Variants in SMYD4 observed in about 807,000 individuals in gnomAD.
The protein encoded by SMYD4 is SET and MYND domain containing 4.
Under a neutral mutation model 72.8 loss-of-function variants are expected in SMYD4, and 68 were observed. The ratio of observed to expected loss-of-function variants is 0.93; its 90% CI spans 0.77 to 1.14. The LOEUF is 1.14. Among genes scored for constraint, SMYD4 ranks in the 50% most tolerant of loss-of-function variants. The pLI is 0.00. For synonymous variants in SMYD4, 407 were observed against 388.6 expected, an observed-to-expected ratio of 1.05 and a Z score of -0.56; for missense variants, 984 against 1,003.7, an observed-to-expected ratio of 0.98 and a Z score of 0.27.
At chr17:1,810,103 T>C (rs971873968) in intron 3 of SMYD4, among the ~76,000 whole-genome samples, 2 of 151,872 alleles carry the variant, frequency 1.3e-5, no homozygotes, top group African/African-American at 4.8e-5. Flanking sequence ...CCAAGAATAA[T>C]AGATTACTAA....
intron 3 of SMYD4, among the ~76,000 whole-genome samples, chr17:1,805,992 C>T (rs950878569): frequency 1.3e-5 from 2 of 148,638 alleles, no homozygotes; most frequent in African/African-American, 2.5e-5. Flanking sequence ...GGCTCGATCT[C>T]GGCTCACTGC....
chr17:1,812,131 A>T lies in SMYD4; in HGVS notation c.135-16T>A. ...ATCCTCAGGTCTGCATGAAGAAAGG[A>T]GGAAACAAAGTAAGCAGAAATGTGT... On this transcript the variant is annotated splice_polypyrimidine_tract_variant and intron_variant, in intron 2 of 10. Transcript: ENST00000305513. 2.5e-6 allele frequency: 4 copies of T among 1,608,960 alleles called. No homozygotes were observed. Among genetic ancestry groups the T allele is most frequent in the Non-Finnish European group, 3.4e-6 (4 of 1,178,654 alleles).
chr17:1,787,707 G>T, intron 5 of SMYD4, 103 bp from the exon 6 acceptor site: 2 of 1,189,890 alleles, frequency 1.7e-6, no homozygotes, highest in Non-Finnish European at 2.3e-6. Context: ...CCTGCAGCCC[G>T]TGTGAGTCAT....
chr17:1,817,048 CTT>C (rs34482955), intron 2 of SMYD4, among the ~76,000 whole-genome samples: 526 of 138,314 alleles, frequency 3.8e-3, no homozygotes, highest in African/African-American at 4.8e-3. Context: ...TGCACAAAAC[CTT>C]TTTTTTTTTT....
At chr17:1,794,065 A>ATG (rs1202001473) in intron 5 of SMYD4, among the ~76,000 whole-genome samples, 1 of 58,332 alleles carries the variant, frequency 1.7e-5, no homozygotes, top group African/African-American at 6.1e-5. Flanking sequence ...GTGTATATAT[A>ATG]TGTGTATATA....
At position 1,781,191 on chromosome 17, in the gene SMYD4, G is replaced by T; in HGVS notation, c.*95C>A. ...CCACCTTAGCCTCCCAAAGTGCTGG[G>T]ATTACAGGCGTGAGCCACCATACCT... On this transcript the variant is annotated 3_prime_UTR_variant, in exon 11 of 11. Coordinates refer to ENST00000305513, the MANE Select transcript of SMYD4 (RefSeq NM_052928.3). 6.7e-7 allele frequency: 1 copy of T among 1,489,072 alleles called. No homozygotes were observed. The highest frequency in any genetic ancestry group is 1.3e-5 in the South Asian group (1 of 74,714). 92.2% of individuals were successfully genotyped at this position (1,489,072 alleles called of 1,614,324 possible).
At chr17:1,827,786 C>T in intron 2 of SMYD4, 75 bp downstream of exon 2, 1 of 1,525,716 alleles carries the variant, frequency 6.6e-7, no homozygotes, top group East Asian at 2.3e-5. Flanking sequence ...GAAAAAGACA[C>T]ATTACTTCAG....
At chr17:1,823,957 C>G (rs948806802) in intron 2 of SMYD4, among the ~76,000 whole-genome samples, 2 of 152,168 alleles carry the variant, frequency 1.3e-5, no homozygotes, top group African/African-American at 4.8e-5. Context: ...GAAAATAGAT[C>G]TCCCTTCAGA....
intron 4 of SMYD4, 154 bp downstream of exon 4, chr17:1,804,472 C>A: frequency 1.6e-6 from 1 of 644,110 alleles, no homozygotes; most frequent in South Asian, 1.9e-5. Context: ...GCGCCCAGTC[C>A]GACTTTAGGT....
intron 5 of SMYD4, among the ~76,000 whole-genome samples, chr17:1,794,621 T>G (rs770905636): frequency 2.6e-5 from 4 of 152,102 alleles, no homozygotes; most frequent in Non-Finnish European, 5.9e-5. Flanking sequence ...GTTAATGATT[T>G]GAAAAAGACT....
chr17:1,808,004 A>C (rs1910131516), intron 3 of SMYD4, among the ~76,000 whole-genome samples: 1 of 152,156 alleles, frequency 6.6e-6, no homozygotes, highest in South Asian at 2.1e-4. Context: ...ACTGCTTGGG[A>C]TATGGAGAAA....
chr17:1,795,747 G>GTTTTTTTTTTTTTTTTTTTTT (rs368038317), intron 5 of SMYD4, among the ~76,000 whole-genome samples: 1 of 128,466 alleles, frequency 7.8e-6, no homozygotes, highest in African/African-American at 3.2e-5. Context: ...TGGCCCGTGA[G>GTTTTTTTTTTTTTTTTTTTTT]TTTTTTTTTT....
At chr17:1,784,663 C>T in intron 7 of SMYD4, 1 of 679,534 alleles carries the variant, frequency 1.5e-6, no homozygotes, top group African/African-American at 1.9e-5. Context: ...TCAGCAGTAG[C>T]TGATCCCACC....
intron 2 of SMYD4, among the ~76,000 whole-genome samples, chr17:1,826,695 G>A (rs771436097): frequency 3.3e-5 from 5 of 152,068 alleles, no homozygotes; most frequent in Non-Finnish European, 7.4e-5. Context: ...AAAGGTGTGT[G>A]TTTCTGGATC....
intron 2 of SMYD4, among the ~76,000 whole-genome samples, chr17:1,821,591 C>G (rs1331246837): frequency 6.6e-6 from 1 of 152,002 alleles, no homozygotes; most frequent in Non-Finnish European, 1.5e-5. Context: ...TAAAATTATA[C>G]AAACTCAAGA....
chr17:1,811,271 C>T (rs941709446), intron 3 of SMYD4, among the ~76,000 whole-genome samples: 5 of 152,304 alleles, frequency 3.3e-5, no homozygotes, highest in African/African-American at 9.6e-5. Flanking sequence ...CTCCATCGCA[C>T]GCCCTGCGAG....
intron 1 of SMYD4, among the ~76,000 whole-genome samples, chr17:1,828,647 G>T (rs1911337427): frequency 6.7e-6 from 1 of 149,584 alleles, no homozygotes; most frequent in South Asian, 2.1e-4. Context: ...ACCCAGGCTG[G>T]AGTGCAGTGG....
chr17:1,782,159 C>T (rs1030827318), intron 10 of SMYD4: 1 of 152,116 alleles, frequency 6.6e-6, no homozygotes, highest in African/African-American at 2.4e-5. Context: ...TCCTTTTAAC[C>T]TTCAAAGTAG....
chr17:1,783,529 A>G, intron 8 of SMYD4, 53 bp from the exon 9 acceptor site: 1 of 1,552,692 alleles, frequency 6.4e-7, no homozygotes, highest in Non-Finnish European at 8.7e-7. Flanking sequence ...CAGTCCTAGG[A>G]ATGAGAATCC....
Sources: gnomAD v4.1 joint callset for allele counts (sites outside exome capture counted in the v4.1 genomes callset) on GRCh38, gnomAD v4.1.1 for gene constraint, MANE v1.5 for transcripts, NCBI Gene and HGNC (gene_info 2026-07-23, HGNC 2026-07-21) for gene names.